Variants in ABTB3 observed in about 807,000 individuals in gnomAD.
The protein encoded by ABTB3 is ankyrin repeat- and BTB/POZ domain-containing protein 3.
the ABTB3 span, among the ~76,000 whole-genome samples, chr12:107,369,714 T>G: frequency 3.2e-4 from 47 of 145,542 alleles, no homozygotes; most frequent in African/African-American, 9.5e-4. Flanking sequence ...ATGGTTTTTT[T>G]TTTTTTTTTT....
chr12:107,636,654 T>C, the ABTB3 span, among the ~76,000 whole-genome samples: 1 of 152,244 alleles, frequency 6.6e-6, no homozygotes, highest in South Asian at 2.1e-4. Flanking sequence ...TGTCTATCTT[T>C]CTGACCATGT....
chr12:107,558,558 T>C, the ABTB3 span, among the ~76,000 whole-genome samples: 1 of 152,152 alleles, frequency 6.6e-6, no homozygotes, highest in Non-Finnish European at 1.5e-5. Context: ...AGGTTTGGAT[T>C]GGGGAGAAGC....
the ABTB3 span, among the ~76,000 whole-genome samples, chr12:107,514,776 C>A: frequency 6.6e-6 from 1 of 152,162 alleles, no homozygotes; most frequent in Non-Finnish European, 1.5e-5. Flanking sequence ...TTTCCCTAAT[C>A]TCTATAATCT....
At chr12:107,398,877 G>A in the ABTB3 span, among the ~76,000 whole-genome samples, 7 of 152,194 alleles carry the variant, frequency 4.6e-5, no homozygotes, top group Non-Finnish European at 1.0e-4. Context: ...ACCAGTAAGA[G>A]TGCTGGACTG....
At chr12:107,441,588 A>G in the ABTB3 span, among the ~76,000 whole-genome samples, 1 of 152,050 alleles carries the variant, frequency 6.6e-6, no homozygotes, top group Non-Finnish European at 1.5e-5. Context: ...ACAAACCTGC[A>G]CATTCTGCAT....
chr12:107,381,627 C>A, the ABTB3 span, among the ~76,000 whole-genome samples: 1 of 152,200 alleles, frequency 6.6e-6, no homozygotes, highest in African/African-American at 2.4e-5. Flanking sequence ...GAGATTAGAT[C>A]TGTTCATCAA....
At chr12:107,367,381 C>G in the ABTB3 span, among the ~76,000 whole-genome samples, 1 of 152,092 alleles carries the variant, frequency 6.6e-6, no homozygotes, top group African/African-American at 2.4e-5. Flanking sequence ...TTCCTCTTTC[C>G]TTTTTGTTTT....
At chr12:107,330,499 A>T in the ABTB3 span, among the ~76,000 whole-genome samples, 1 of 152,188 alleles carries the variant, frequency 6.6e-6, no homozygotes, top group African/African-American at 2.4e-5. Flanking sequence ...AGGGACTTCA[A>T]ATTTGACCTT....
At chr12:107,557,779 G>A in the ABTB3 span, among the ~76,000 whole-genome samples, 1 of 152,212 alleles carries the variant, frequency 6.6e-6, no homozygotes, top group Admixed American at 6.5e-5. Flanking sequence ...TAGACAAAGT[G>A]AGGCTGAGGA....
the ABTB3 span, among the ~76,000 whole-genome samples, chr12:107,335,945 T>A: frequency 1.3e-5 from 2 of 152,150 alleles, no homozygotes; most frequent in Admixed American, 1.3e-4. Context: ...TGCTTCACAG[T>A]TGAAGATGAC....
the ABTB3 span, among the ~76,000 whole-genome samples, chr12:107,587,161 C>G: frequency 6.6e-6 from 1 of 152,224 alleles, no homozygotes; most frequent in African/African-American, 2.4e-5. Context: ...GAGCTGAAGG[C>G]AGGGCCGAAC....
chr12:107,428,162 T>C, the ABTB3 span, among the ~76,000 whole-genome samples: 1 of 152,162 alleles, frequency 6.6e-6, no homozygotes, highest in Non-Finnish European at 1.5e-5. Context: ...GCTTGTTGAA[T>C]GGCTGGTTGA....
At chr12:107,548,092 G>C in the ABTB3 span, among the ~76,000 whole-genome samples, 3 of 152,178 alleles carry the variant, frequency 2.0e-5, no homozygotes, top group African/African-American at 7.2e-5. Flanking sequence ...TCAGTCAAGT[G>C]TTTATTCACA....
chr12:107,371,605 G>A, the ABTB3 span, among the ~76,000 whole-genome samples: 1 of 152,168 alleles, frequency 6.6e-6, no homozygotes, highest in Non-Finnish European at 1.5e-5. Context: ...TGGAGTTAAG[G>A]AGGTAAATAA....
At chr12:107,480,234 G>A in the ABTB3 span, among the ~76,000 whole-genome samples, 10 of 152,260 alleles carry the variant, frequency 6.6e-5, no homozygotes, top group Admixed American at 2.0e-4. Flanking sequence ...AGGTAGGTAT[G>A]TGGAAGGCTA....
chr12:107,618,129 G>A, the ABTB3 span: 2 of 1,604,564 alleles, frequency 1.2e-6, no homozygotes, highest in Non-Finnish European at 1.7e-6. Flanking sequence ...ATCTCTGAGT[G>A]TCATCCTCTC....
At chr12:107,508,991 A>T in the ABTB3 span, among the ~76,000 whole-genome samples, 60,687 of 151,990 alleles carry the variant, frequency 0.4, 12,948 homozygotes, top group African/African-American at 0.53. Flanking sequence ...AGGTCTAAAA[A>T]ACCATTCCAT....
At chr12:107,462,804 G>A in the ABTB3 span, among the ~76,000 whole-genome samples, 4 of 151,714 alleles carry the variant, frequency 2.6e-5, no homozygotes, top group South Asian at 8.3e-4. Context: ...TAATGATGGT[G>A]GTGATAATGT....
the ABTB3 span, chr12:107,612,899 C>T: frequency 1.1e-5 from 18 of 1,598,262 alleles, no homozygotes; most frequent in South Asian, 5.6e-5. Context: ...CAGGGCCCCT[C>T]GGCCGGCAGT....
Sources: gnomAD v4.1 joint callset for allele counts (sites outside exome capture counted in the v4.1 genomes callset) on GRCh38, gnomAD v4.1.1 for gene constraint, MANE v1.5 for transcripts, NCBI Gene and HGNC (gene_info 2026-07-23, HGNC 2026-07-21) for gene names.